The following RERE variants were observed in gnomAD, a reference collection of about 807,000 sequenced individuals.
RERE encodes arginine-glutamic acid dipeptide repeats, also known as arginine-glutamic acid dipeptide repeats protein.
Under a neutral mutation model 146.1 loss-of-function variants are expected in RERE, and 40 were observed. The observed-to-expected ratio is 0.27, with a 90% CI of 0.21 to 0.36. The LOEUF (loss-of-function observed/expected upper bound fraction) is 0.36, where lower values mean the gene tolerates loss of function less well. RERE is among the 10% of genes least tolerant of loss of function. RERE has a pLI of 1.00. For synonymous variants in RERE, 1,003 were observed against 866.0 expected (o/e 1.16, Z -2.78); for missense variants, 1,933 against 2,138.7 (o/e 0.90, Z 1.90).
rs202237175 is a variant in RERE, at chr1:8,358,439, A to C, written c.4096T>G (p.Ser1366Ala). 93 of 1,592,002 alleles carry C rather than the reference A, an allele frequency of 5.8e-5. No individual in the cohort carries two copies. The highest frequency in any genetic ancestry group is 5.4e-4 in the East Asian group (24 of 44,322). Residue 1366 changes from serine to alanine, a missense_variant, in exon 20 of 23, where the codon TCT (serine) becomes GCT (alanine). Ser to Ala is a moderately conservative substitution (Grantham distance 99). Coordinates refer to ENST00000400908, the MANE Select transcript of RERE (RefSeq NM_001042681.2). Reference sequence around the variant, plus strand: ...AAGGGGTTCAGGCCCGGGTGGAAAGAAGCAAAAGGGTGGGGCCCGGCGGTC... The same window carrying C: ...AAGGGGTTCAGGCCCGGGTGGAAAGCAGCAAAAGGGTGGGGCCCGGCGGTC... ...PPTAGPHPFASFHPGLNPLER... is the reference protein window; with the variant it reads ...PPTAGPHPFAAFHPGLNPLER...
chr1:8,711,680 C>G (rs1428628106), intron 1 of RERE, among the ~76,000 whole-genome samples: 1 of 152,040 alleles, frequency 6.6e-6, no homozygotes, highest in African/African-American at 2.4e-5. Flanking sequence ...AAATGAGGCC[C>G]CTCGTGTATT....
chr1:8,487,694 G>A (rs1644920372), intron 10 of RERE, among the ~76,000 whole-genome samples: 1 of 152,000 alleles, frequency 6.6e-6, no homozygotes, highest in African/African-American at 2.4e-5. Flanking sequence ...AGAGGTTCAA[G>A]GAAGTGCAAT....
chr1:8,810,414 T>G (rs1034391963), intron 1 of RERE, among the ~76,000 whole-genome samples: 1 of 152,222 alleles, frequency 6.6e-6, no homozygotes, highest in East Asian at 1.9e-4. Context: ...AAGACCAGCC[T>G]GGGCAACATG....
intron 1 of RERE, among the ~76,000 whole-genome samples, chr1:8,747,658 T>A (rs1280270448): frequency 6.6e-6 from 1 of 152,098 alleles, no homozygotes; most frequent in Non-Finnish European, 1.5e-5. Flanking sequence ...GAACTGGAAT[T>A]CTCTAACTAA....
At chr1:8,647,497 A>G (rs1022569297) in intron 2 of RERE, among the ~76,000 whole-genome samples, 4 of 152,258 alleles carry the variant, frequency 2.6e-5, no homozygotes, top group African/African-American at 7.2e-5. Context: ...GCCATTATCA[A>G]TAAAACTACC....
chr1:8,450,250 G>A lies in RERE; in HGVS notation c.1203+15675C>T, dbSNP rs751010265. On this transcript the variant is annotated intron_variant, in intron 11 of 22. Coordinates refer to ENST00000400908, the MANE Select transcript of RERE (RefSeq NM_001042681.2). ...TCCATTCACAAAACTCTATCTTCTC[G>A]TACCTTTCCTCCACCTTCAACCTCT... Among the ~76,000 whole-genome samples, 80 of 151,658 alleles carry A rather than the reference G, an allele frequency of 5.3e-4. 1 individual carries two copies. The highest frequency in any genetic ancestry group is 3.9e-4 in the Admixed American group (6 of 15,232).
intron 4 of RERE, among the ~76,000 whole-genome samples, chr1:8,566,612 C>CT (rs747989161): frequency 2.6e-5 from 4 of 151,908 alleles, no homozygotes; most frequent in Non-Finnish European, 5.9e-5. Flanking sequence ...GAGCAAGACT[C>CT]TGTCTCCAAA....
At chr1:8,576,002 A>G (rs1646290270) in intron 4 of RERE, among the ~76,000 whole-genome samples, 1 of 152,208 alleles carries the variant, frequency 6.6e-6, no homozygotes, top group African/African-American at 2.4e-5. Flanking sequence ...AATTCTGATT[A>G]GATCCATTCC....
intron 2 of RERE, among the ~76,000 whole-genome samples, chr1:8,646,552 C>CA (rs1228451345): frequency 2.7e-5 from 4 of 146,304 alleles, no homozygotes; most frequent in East Asian, 2.0e-4. Flanking sequence ...AAAAAACAAA[C>CA]AAACAAAAAA....
At chr1:8,398,857 C>T (rs1027587347) in intron 12 of RERE, among the ~76,000 whole-genome samples, 2 of 152,200 alleles carry the variant, frequency 1.3e-5, no homozygotes, top group Non-Finnish European at 2.9e-5. Context: ...CAAACAGGTG[C>T]ATCAATGTGC....
chr1:8,457,974 C>A (rs896699207), intron 11 of RERE, among the ~76,000 whole-genome samples: 1 of 152,130 alleles, frequency 6.6e-6, no homozygotes, highest in Non-Finnish European at 1.5e-5. Context: ...GACTTCCTCT[C>A]ATGGTAGGGT....
chr1:8,541,372 C>A, intron 6 of RERE, 54 bp from the exon 7 acceptor site: 1 of 1,124,370 alleles, frequency 8.9e-7, no homozygotes, highest in Non-Finnish European at 1.3e-6. Context: ...TTTTGCTAAC[C>A]AAAACTGGAG....
Position 8,352,565 on chromosome 1 carries a change from A to C in RERE, c.*2522T>G, listed in dbSNP as rs897112494. On this transcript the variant is annotated 3_prime_UTR_variant, in exon 23 of 23. Transcript: ENST00000400908. ...ATATATACATTTAGCTTCAAGATATATAGAAACGTAGCAAATCCGAGTGTG... is the reference window on the plus strand; with the variant it reads ...ATATATACATTTAGCTTCAAGATATCTAGAAACGTAGCAAATCCGAGTGTG... The C allele has an allele frequency of 2.0e-5, 3 of 152,460 alleles. No homozygotes were observed. The highest frequency in any genetic ancestry group is 7.2e-5 in the African/African-American group (3 of 41,462). The allele number at this position is 152,460 out of a possible 1,614,324, so 9.4% of individuals were successfully genotyped here. A position where few individuals can be genotyped will look rare whatever the true frequency, so the allele number is the denominator to read the frequency against.
intron 7 of RERE, among the ~76,000 whole-genome samples, chr1:8,523,120 G>A (rs913206437): frequency 1.3e-5 from 2 of 152,096 alleles, no homozygotes; most frequent in Admixed American, 1.3e-4. Flanking sequence ...TCCCCAGGGA[G>A]GTCAAGGCTG....
chr1:8,606,610 G>A (rs1646712655), intron 4 of RERE, among the ~76,000 whole-genome samples: 2 of 152,104 alleles, frequency 1.3e-5, no homozygotes, highest in African/African-American at 4.8e-5. Flanking sequence ...GGGATGAGGA[G>A]GGAAAAGCCA....
intron 7 of RERE, among the ~76,000 whole-genome samples, chr1:8,529,133 G>A (rs187437084): frequency 2.0e-4 from 30 of 152,232 alleles, no homozygotes; most frequent in Admixed American, 2.0e-3. Flanking sequence ...AACAACTGGT[G>A]AATTGAGTAA....
chr1:8,416,535 G>C (rs563282702), intron 12 of RERE, among the ~76,000 whole-genome samples: 1 of 142,554 alleles, frequency 7.0e-6, no homozygotes, highest in African/African-American at 2.6e-5. Context: ...GCAGTGAGCC[G>C]AGACTGCATA....
At chr1:8,714,781 T>C (rs964052804) in intron 1 of RERE, among the ~76,000 whole-genome samples, 14 of 152,178 alleles carry the variant, frequency 9.2e-5, no homozygotes, top group African/African-American at 1.2e-4. Context: ...AAGGGTGATT[T>C]AGAGACGGGG....
At chr1:8,637,828 TAC>T (rs1557449381) in intron 2 of RERE, among the ~76,000 whole-genome samples, 1 of 152,246 alleles carries the variant, frequency 6.6e-6, no homozygotes, top group Non-Finnish European at 1.5e-5. Flanking sequence ...GCCAAAGCCC[TAC>T]GATACACTAG....
Sources: gnomAD v4.1 joint callset for allele counts (sites outside exome capture counted in the v4.1 genomes callset) on GRCh38, gnomAD v4.1.1 for gene constraint, MANE v1.5 for transcripts, NCBI Gene and HGNC (gene_info 2026-07-23, HGNC 2026-07-21) for gene names.